Variants in ZNF564 observed in about 807,000 individuals in gnomAD.
ZNF564 encodes zinc finger protein 564.
In ZNF564, 5 loss-of-function variants were observed where a neutral mutation model predicts 10.5. The ratio of observed to expected loss-of-function variants is 0.48; its 90% CI spans 0.25 to 1.00. ZNF564 has a LOEUF of 1.00. Among genes scored for constraint, ZNF564 ranks in the 50% least tolerant of loss-of-function variants. The pLI is 0.16. For synonymous variants in ZNF564, 242 were observed against 218.1 expected (o/e 1.11, Z -0.97); for missense variants, 603 against 669.7 (o/e 0.90, Z 1.10).
intron 1 of ZNF564, among the ~76,000 whole-genome samples, chr19:12,536,011 CAAAAAAA>C (rs5827154): frequency 8.1e-5 from 9 of 110,742 alleles, no homozygotes; most frequent in South Asian, 6.2e-4. Context: ...GACTCCGTCT[CAAAAAAA>C]AAAAAAAAAA....
At chr19:12,536,405 G>T (rs535067738) in intron 1 of ZNF564, among the ~76,000 whole-genome samples, 4 of 152,244 alleles carry the variant, frequency 2.6e-5, no homozygotes, top group Non-Finnish European at 4.4e-5. Flanking sequence ...TCAAACTCTT[G>T]GGCTCAAGCA....
chr19:12,534,017 T>C (rs1599280293), intron 1 of ZNF564, among the ~76,000 whole-genome samples: 1 of 152,050 alleles, frequency 6.6e-6, no homozygotes, highest in Non-Finnish European at 1.5e-5. Context: ...TGACAAAATC[T>C]ACCATCCACT....
Position 12,543,880 on chromosome 19 carries a change from G to C in ZNF564, c.3+7450C>G, listed in dbSNP as rs184128560. Among the ~76,000 whole-genome samples, 3 of 152,216 alleles carry C rather than the reference G, an allele frequency of 2.0e-5. No homozygotes were observed. In the East Asian group the frequency reaches 5.8e-4, roughly 29 times the overall value. ...GTAATCGGGGTTAGAGACCATGAGG[G>C]TGGTGCCCTCATAAATGGGATTAGC... On this transcript the variant is annotated intron_variant, in intron 1 of 3. Coordinates refer to ENST00000339282, the MANE Select transcript of ZNF564 (RefSeq NM_144976.4).
At chr19:12,541,066 CAAAAAAA>C (rs35848835) in intron 1 of ZNF564, among the ~76,000 whole-genome samples, 5 of 59,732 alleles carry the variant, frequency 8.4e-5, no homozygotes, top group African/African-American at 2.3e-4. Flanking sequence ...CCTGTCTCTA[CAAAAAAA>C]AAAAAAAAAA....
rs1411017864 is a variant in ZNF564, at chr19:12,526,711, G to A, written c.1397C>T (p.Thr466Ile). 6.2e-7 allele frequency: 1 copy of A among 1,613,882 alleles called. No homozygotes were observed. Among genetic ancestry groups the A allele is most frequent in the Admixed American group, 1.7e-5 (1 of 60,000 alleles). The change falls in exon 4 of 4, where the codon ACA becomes ATA. Residue 466 changes from threonine to isoleucine, a missense_variant. Physicochemically the swap from Thr to Ile is moderately conservative, Grantham distance 89 (BLOSUM62 -1). Coordinates refer to ENST00000339282, the MANE Select transcript of ZNF564 (RefSeq NM_144976.4). The stretch of plus-strand genomic sequence containing the variant: ...TTCTCCAGTATGAGTTCTTTCATGT[G>A]TTCGGACAGAACTAGGACAGTCAAA... ...KAFDCPSSVRTHERTHTGEKP... is the reference protein window; with the variant it reads ...KAFDCPSSVRIHERTHTGEKP...
At position 12,527,725 on chromosome 19, in the gene ZNF564, T is replaced by C. The variant is rs917310701; in HGVS notation, c.383A>G (p.His128Arg). ...LSRHIRSHLG[H>R]KPYDYQEYGE... ...ATATTCCTGATAGTCATATGGTTTG[T>C]GTCCAAGGTGAGATCTGATGTGCCT... The change falls in exon 4 of 4, where the codon CAC becomes CGC. Residue 128 changes from histidine (H) to arginine (R), a missense_variant. Physicochemically the swap from His to Arg is conservative, Grantham distance 29 (BLOSUM62 0). Coordinates refer to ENST00000339282, the MANE Select transcript of ZNF564 (RefSeq NM_144976.4). 3.1e-6 allele frequency: 5 copies of C among 1,614,056 alleles called. No homozygotes were observed. The African/African-American group carries it at 5.3e-5, about 17-fold the overall frequency.
At chr19:12,532,658 G>A (rs2021832901) in intron 1 of ZNF564, among the ~76,000 whole-genome samples, 2 of 151,054 alleles carry the variant, frequency 1.3e-5, no homozygotes, top group Admixed American at 1.3e-4. Context: ...GGAGTTCAAG[G>A]CTGCAAAGAG....
Position 12,527,411 on chromosome 19 carries a change from C to G in ZNF564, c.697G>C (p.Ala233Pro), listed in dbSNP as rs770798143. 5 of 1,613,940 alleles carry G rather than the reference C, an allele frequency of 3.1e-6. No homozygotes were observed. Among genetic ancestry groups the G allele is most frequent in the Non-Finnish European group, 8.5e-7 (1 of 1,180,000 alleles). The change falls in exon 4 of 4, where the codon GCT becomes CCT. Residue 233 changes from alanine (A) to proline (P), a missense_variant. Physicochemically the swap from Ala to Pro is conservative, Grantham distance 27 (BLOSUM62 -1). Transcript: ENST00000339282. ...KPYECQECAKAFISLPSFQRH... is the reference protein window; with the variant it reads ...KPYECQECAKPFISLPSFQRH... ...TGAAAACTTGGAAGAGAAATGAAAG[C>G]TTTTGCACATTCCTGACATTCATAG...
At chr19:12,546,042 T>C (rs1211434109) in intron 1 of ZNF564, among the ~76,000 whole-genome samples, 1 of 152,054 alleles carries the variant, frequency 6.6e-6, no homozygotes, top group African/African-American at 2.4e-5. Flanking sequence ...CAAAACACAC[T>C]CCACCTATCA....
At chr19:12,537,278 T>C (rs2021934092) in intron 1 of ZNF564, among the ~76,000 whole-genome samples, 1 of 152,224 alleles carries the variant, frequency 6.6e-6, no homozygotes, top group African/African-American at 2.4e-5. Context: ...TCTGATCATG[T>C]ACTATGTGAT....
chr19:12,541,883 C>T (rs1276819316), intron 1 of ZNF564, among the ~76,000 whole-genome samples: 1 of 151,394 alleles, frequency 6.6e-6, no homozygotes, highest in Non-Finnish European at 1.5e-5. Flanking sequence ...GGCGTAGTGG[C>T]AGGCACCTGT....
At chr19:12,547,425 A>T (rs189076380) in intron 1 of ZNF564, among the ~76,000 whole-genome samples, 4 of 152,096 alleles carry the variant, frequency 2.6e-5, no homozygotes, top group African/African-American at 9.6e-5. Context: ...CCTTTTCGTT[A>T]TACTCCTTTC....
intron 1 of ZNF564, among the ~76,000 whole-genome samples, chr19:12,545,199 T>C (rs1599287368): frequency 6.7e-6 from 1 of 148,994 alleles, no homozygotes; most frequent in South Asian, 2.1e-4. Flanking sequence ...GAGGCGGAGG[T>C]TGTGGTGAGC....
chr19:12,540,677 AC>A, intron 1 of ZNF564, among the ~76,000 whole-genome samples: 1 of 151,894 alleles, frequency 6.6e-6, no homozygotes, highest in South Asian at 2.1e-4. Context: ...ACATGATGAA[AC>A]CCCGTCTCTA....
chr19:12,528,525 A>G, intron 2 of ZNF564, 45 bp downstream of exon 2: 1 of 1,602,526 alleles, frequency 6.2e-7, no homozygotes, highest in South Asian at 1.1e-5. Flanking sequence ...AGCAAGAAAT[A>G]CTTCTTCTCT....
intron 1 of ZNF564, among the ~76,000 whole-genome samples, chr19:12,534,120 A>G (rs929089091): frequency 2.6e-5 from 4 of 152,200 alleles, no homozygotes; most frequent in African/African-American, 9.7e-5. Context: ...GTGAGAAACT[A>G]GATGCTTTCT....
At chr19:12,537,537 G>A (rs893772483) in intron 1 of ZNF564, among the ~76,000 whole-genome samples, 9 of 151,980 alleles carry the variant, frequency 5.9e-5, no homozygotes, top group East Asian at 1.9e-4. Context: ...TCGGGAGTTC[G>A]AGACCAGCCT....
chr19:12,550,778 T>C (rs1344716861), intron 1 of ZNF564: 1 of 159,898 alleles, frequency 6.3e-6, no homozygotes, highest in African/African-American at 2.4e-5. Context: ...TAATGTTGAT[T>C]TGGCGAGGGG....
intron 1 of ZNF564, among the ~76,000 whole-genome samples, chr19:12,532,046 G>A (rs1299571367): frequency 6.6e-6 from 1 of 152,088 alleles, no homozygotes; most frequent in African/African-American, 2.4e-5. Flanking sequence ...ACACTTCAGA[G>A]AAAGGAAAAA....
Sources: allele counts gnomAD v4.1 joint callset (sites outside exome capture counted in the v4.1 genomes callset), GRCh38; gene constraint gnomAD v4.1.1; transcripts MANE v1.5; gene names NCBI Gene and HGNC (gene_info 2026-07-23, HGNC 2026-07-21).